Variants in CPED1 observed in about 807,000 individuals in gnomAD.
CPED1 encodes cadherin like and PC-esterase domain containing 1, also known as cadherin-like and PC-esterase domain-containing protein 1.
A neutral mutation model predicts 128.2 loss-of-function variants in CPED1; 114 were observed. The ratio of observed to expected loss-of-function variants is 0.89; its 90% CI spans 0.76 to 1.04. CPED1 has a LOEUF of 1.04. Ranked by LOEUF, CPED1 falls within the 50% of genes least tolerant of loss-of-function variation. The pLI is 0.00. For missense variants in CPED1, 1,211 were observed against 1,207.1 expected, an observed-to-expected ratio of 1.00 and a Z score of -0.05; for synonymous variants, 462 against 426.7, an observed-to-expected ratio of 1.08 and a Z score of -1.02.
chr7:121,219,064 C>A (rs948373308), intron 16 of CPED1, among the ~76,000 whole-genome samples: 7 of 151,976 alleles, frequency 4.6e-5, no homozygotes, highest in Admixed American at 4.6e-4. Flanking sequence ...ACACACAGAT[C>A]CAACACTATA....
intron 3 of CPED1, among the ~76,000 whole-genome samples, chr7:121,036,521 T>TATCCA (rs1792897700): frequency 6.7e-6 from 1 of 149,646 alleles, no homozygotes; most frequent in African/African-American, 2.4e-5. Context: ...TTTTTTTCTT[T>TATCCA]CTTTATCCAC....
chr7:121,189,406 G>A (rs1797076476), intron 16 of CPED1, among the ~76,000 whole-genome samples: 1 of 151,996 alleles, frequency 6.6e-6, no homozygotes, highest in East Asian at 1.9e-4. Context: ...ATCTTCACAT[G>A]GCAACAGGAG....
At chr7:121,280,391 C>G (rs977673425) in intron 22 of CPED1, among the ~76,000 whole-genome samples, 1 of 152,158 alleles carries the variant, frequency 6.6e-6, no homozygotes, top group Admixed American at 6.5e-5. Context: ...CAATCAGTCT[C>G]CGCACCTCAG....
chr7:121,097,942 C>A, intron 6 of CPED1, 111 bp downstream of exon 6: 1 of 1,072,916 alleles, frequency 9.3e-7, no homozygotes, highest in Non-Finnish European at 1.3e-6. Context: ...TTATTAGTTT[C>A]TCTTACATAA....
intron 16 of CPED1, among the ~76,000 whole-genome samples, chr7:121,186,548 G>A (rs1797008927): frequency 1.3e-5 from 2 of 152,036 alleles, no homozygotes; most frequent in South Asian, 4.1e-4. Context: ...CCAACACATA[G>A]GGCACTATAC....
intron 3 of CPED1, among the ~76,000 whole-genome samples, chr7:121,043,864 C>A (rs1793119954): frequency 6.6e-6 from 1 of 152,210 alleles, no homozygotes; most frequent in Admixed American, 6.5e-5. Context: ...CTGTGCAGGC[C>A]AAATGTATCC....
chr7:121,254,965 A>G (rs1798769666), intron 18 of CPED1, among the ~76,000 whole-genome samples: 1 of 151,994 alleles, frequency 6.6e-6, no homozygotes, highest in African/African-American at 2.4e-5. Context: ...TTCACAGCCA[A>G]ATTCTACCAG....
chr7:121,267,720 G>C (rs557230440), intron 21 of CPED1, among the ~76,000 whole-genome samples: 47 of 152,072 alleles, frequency 3.1e-4, no homozygotes, highest in Non-Finnish European at 4.4e-5. Flanking sequence ...GCACTAAATA[G>C]AAGTCTCAGA....
At chr7:121,031,718 TA>T (rs1792739829) in intron 3 of CPED1, among the ~76,000 whole-genome samples, 1 of 152,202 alleles carries the variant, frequency 6.6e-6, no homozygotes, top group Admixed American at 6.5e-5. Flanking sequence ...CTCATCAGAT[TA>T]AAAAATGACA....
chr7:121,266,911 A>G, intron 20 of CPED1, 103 bp downstream of exon 20: 1 of 809,994 alleles, frequency 1.2e-6, no homozygotes, highest in Non-Finnish European at 2.1e-6. Context: ...ACAACTTATA[A>G]TTTATCATTA....
chr7:121,165,456 G>A (rs1448280917), intron 16 of CPED1, among the ~76,000 whole-genome samples: 1 of 152,152 alleles, frequency 6.6e-6, no homozygotes, highest in Admixed American at 6.5e-5. Flanking sequence ...ACACAATTTT[G>A]TATGAGTAGC....
At position 121,290,466 on chromosome 7, in the gene CPED1, C is replaced by A. The variant is rs147332404; in HGVS notation, c.2869-4974C>A. On this transcript the variant is annotated intron_variant, in intron 22 of 22. Coordinates refer to ENST00000310396, the MANE Select transcript of CPED1 (RefSeq NM_024913.5). Reference sequence around the variant, plus strand: ...TATTTCTCCACATCCTCTCCAGCATCTGTTGTTTCCTGACTTTTTAATGAT... The same window carrying A: ...TATTTCTCCACATCCTCTCCAGCATATGTTGTTTCCTGACTTTTTAATGAT... Among the ~76,000 whole-genome samples, 958 of 152,308 alleles carry A rather than the reference C, an allele frequency of 6.3e-3. 12 individuals are homozygous for A. The highest frequency in any genetic ancestry group is 0.022 in the African/African-American group (910 of 41,572).
intron 2 of CPED1, among the ~76,000 whole-genome samples, chr7:121,006,661 CTA>C (rs1194601261): frequency 6.6e-6 from 1 of 151,982 alleles, no homozygotes; most frequent in African/African-American, 2.4e-5. Context: ...TTTTCAAGTT[CTA>C]TCTTATTTTC....
At chr7:121,252,412 G>A (rs1481989791) in intron 18 of CPED1, among the ~76,000 whole-genome samples, 1 of 151,604 alleles carries the variant, frequency 6.6e-6, no homozygotes, top group Non-Finnish European at 1.5e-5. Flanking sequence ...CATCGGCAAG[G>A]ACTTCATGTC....
At chr7:121,152,201 C>A (rs924693629) in intron 16 of CPED1, among the ~76,000 whole-genome samples, 2 of 152,134 alleles carry the variant, frequency 1.3e-5, no homozygotes, top group African/African-American at 4.8e-5. Flanking sequence ...GTGGTACAGA[C>A]GTTCACTGTG....
chr7:121,253,186 A>G (rs13247392), intron 18 of CPED1, among the ~76,000 whole-genome samples: 62,744 of 151,204 alleles, frequency 0.41, 13,454 homozygotes, highest in Middle Eastern at 0.52. Flanking sequence ...GCTGGAAACC[A>G]TCATTCTCAG....
At chr7:121,067,683 C>G (rs574630304) in intron 5 of CPED1, among the ~76,000 whole-genome samples, 2,609 of 152,236 alleles carry the variant, frequency 0.017, 70 homozygotes, top group African/African-American at 0.056. Context: ...CCTGAGGAAT[C>G]GCCACGCTGA....
intron 16 of CPED1, among the ~76,000 whole-genome samples, chr7:121,187,655 G>C (rs1192496946): frequency 6.6e-6 from 1 of 152,078 alleles, no homozygotes; most frequent in Non-Finnish European, 1.5e-5. Context: ...AAACACTCTA[G>C]GTCTTTCAAA....
intron 7 of CPED1, among the ~76,000 whole-genome samples, chr7:121,123,826 A>G (rs1795442383): frequency 6.6e-6 from 1 of 152,164 alleles, no homozygotes; most frequent in African/African-American, 2.4e-5. Flanking sequence ...ACTTTGATAT[A>G]TTTATTTTTG....
Sources: gnomAD v4.1 joint callset for allele counts (sites outside exome capture counted in the v4.1 genomes callset) on GRCh38, gnomAD v4.1.1 for gene constraint, MANE v1.5 for transcripts, NCBI Gene and HGNC (gene_info 2026-07-23, HGNC 2026-07-21) for gene names.